The following C10orf143 variants were observed in gnomAD, a reference collection of about 807,000 sequenced individuals.
The protein encoded by C10orf143 is chromosome 10 open reading frame 143, also known as uncharacterized protein C10orf143.
At chr10:130,104,012 C>G (rs930921723) in intron 1 of C10orf143, 1 of 152,098 alleles carries the variant, frequency 6.6e-6, no homozygotes, top group Non-Finnish European at 1.5e-5. Flanking sequence ...AATCTTTAGG[C>G]GTTCTAGGCA....
intron 1 of C10orf143, chr10:130,108,117 C>G (rs774914731): frequency 6.4e-7 from 1 of 1,550,426 alleles, no homozygotes; most frequent in East Asian, 2.3e-5. Context: ...CGCTTTGTTC[C>G]TCCACCTCTT....
At chr10:130,049,644 T>G (rs1057098660) in intron 3 of C10orf143, among the ~76,000 whole-genome samples, 10 of 152,140 alleles carry the variant, frequency 6.6e-5, no homozygotes, top group African/African-American at 2.2e-4. Flanking sequence ...GGGTTTTGGG[T>G]TCACGCTGTG....
At chr10:130,110,622 C>T (rs766344554) in intron 1 of C10orf143, 82 bp downstream of exon 1, 3 of 398,366 alleles carry the variant, frequency 7.5e-6, no homozygotes, top group Non-Finnish European at 1.3e-5. Context: ...CAGGGCCGCG[C>T]CGGCAAAAAC....
chr10:130,094,635 G>T (rs984685579), intron 1 of C10orf143, among the ~76,000 whole-genome samples: 1 of 152,166 alleles, frequency 6.6e-6, no homozygotes, highest in Non-Finnish European at 1.5e-5. Context: ...CCACATGATT[G>T]TCTCAATAGA....
downstream of C10orf143, among the ~76,000 whole-genome samples, chr10:130,061,851 T>A (rs948122927): frequency 7.9e-5 from 12 of 152,130 alleles, no homozygotes; most frequent in Non-Finnish European, 1.2e-4. Context: ...CGGGGTGAGC[T>A]CCTCCAGGTA....
At chr10:130,084,651 T>TACACAC (rs56725445) in intron 1 of C10orf143, among the ~76,000 whole-genome samples, 2 of 150,380 alleles carry the variant, frequency 1.3e-5, no homozygotes, top group African/African-American at 4.9e-5. Context: ...GTGCAGGTGA[T>TACACAC]ACACACACAC....
chr10:130,058,690 C>T lies in C10orf143; in HGVS notation c.297+20876G>A, dbSNP rs149760862. Among the ~76,000 whole-genome samples the T allele has an allele frequency of 1.7e-3, 253 of 150,482 alleles. 4 individuals are homozygous for T. The highest frequency in any genetic ancestry group is 5.8e-3 in the African/African-American group (237 of 40,842). On this transcript the variant is annotated intron_variant and NMD_transcript_variant, in intron 3 of 5. Coordinates refer to the C10orf143 transcript ENST00000643056. Reference sequence around the variant, plus strand: ...AAAGTGCAGGACCTATCTATACTAACGAAACAGGAAAGTGTTTATCAGAGC... The same window carrying T: ...AAAGTGCAGGACCTATCTATACTAATGAAACAGGAAAGTGTTTATCAGAGC...
intron 1 of C10orf143, among the ~76,000 whole-genome samples, chr10:130,093,993 G>C (rs1408877449): frequency 6.9e-6 from 1 of 145,520 alleles, no homozygotes; most frequent in African/African-American, 2.6e-5. Context: ...CTGGGCAACA[G>C]AGCGAGACTC....
chr10:130,089,792 A>C (rs890983058), intron 1 of C10orf143, among the ~76,000 whole-genome samples: 3 of 152,178 alleles, frequency 2.0e-5, no homozygotes, highest in African/African-American at 7.2e-5. Flanking sequence ...TGCCAAGAAA[A>C]TTCAATGGAG....
At chr10:130,094,763 C>T (rs2134795045) in intron 1 of C10orf143, among the ~76,000 whole-genome samples, 1 of 152,292 alleles carries the variant, frequency 6.6e-6, no homozygotes, top group South Asian at 2.1e-4. Flanking sequence ...AACCCACAGC[C>T]AATGTCATAC....
At chr10:130,089,682 T>C (rs1861349740) in intron 1 of C10orf143, among the ~76,000 whole-genome samples, 1 of 152,136 alleles carries the variant, frequency 6.6e-6, no homozygotes, top group Non-Finnish European at 1.5e-5. Context: ...CAGTAATCAA[T>C]ATGGTATTGG....
At chr10:130,100,926 T>C (rs1861538223) in intron 1 of C10orf143, among the ~76,000 whole-genome samples, 1 of 152,034 alleles carries the variant, frequency 6.6e-6, no homozygotes, top group Non-Finnish European at 1.5e-5. Context: ...TTGAAAGCTA[T>C]AATAGCTGAG....
intron 3 of C10orf143, among the ~76,000 whole-genome samples, chr10:130,076,975 C>G (rs1224754451): frequency 6.6e-6 from 1 of 152,132 alleles, no homozygotes; most frequent in Non-Finnish European, 1.5e-5. Flanking sequence ...TGCTGCAAGA[C>G]TGGGTCCCAC....
downstream of C10orf143, among the ~76,000 whole-genome samples, chr10:130,063,634 TCAGTGC>T (rs1248081035): frequency 7.2e-5 from 11 of 152,296 alleles, no homozygotes; most frequent in South Asian, 4.1e-4. Flanking sequence ...TCTTCCCACA[TCAGTGC>T]CGAGGACACT....
At chr10:130,085,928 C>T (rs1861284690) in intron 1 of C10orf143, among the ~76,000 whole-genome samples, 1 of 152,126 alleles carries the variant, frequency 6.6e-6, no homozygotes. Context: ...ATGAGATAAA[C>T]ATTCAGATAT....
chr10:130,045,220 C>A (rs1362941875), intron 3 of C10orf143, among the ~76,000 whole-genome samples: 2 of 152,246 alleles, frequency 1.3e-5, no homozygotes, highest in African/African-American at 4.8e-5. Context: ...ATGGCTTTTT[C>A]TTGCAGGGCA....
intron 3 of C10orf143, among the ~76,000 whole-genome samples, chr10:130,048,481 T>C (rs1354181742): frequency 6.6e-6 from 1 of 152,126 alleles, no homozygotes; most frequent in African/African-American, 2.4e-5. Context: ...TACCCTCTGC[T>C]GGGACACCAG....
chr10:130,060,510 G>A (rs1283829921), downstream of C10orf143, among the ~76,000 whole-genome samples: 1 of 152,166 alleles, frequency 6.6e-6, no homozygotes, highest in Non-Finnish European at 1.5e-5. Flanking sequence ...CATGAAAAGA[G>A]TTACATGATG....
At chr10:130,102,512 G>C (rs191529909) in intron 1 of C10orf143, among the ~76,000 whole-genome samples, 1 of 152,080 alleles carries the variant, frequency 6.6e-6, no homozygotes. Flanking sequence ...GACCTCAAGC[G>C]ATCCGCCCAC....
Sources: gnomAD v4.1 joint callset for allele counts (sites outside exome capture counted in the v4.1 genomes callset) on GRCh38, gnomAD v4.1.1 for gene constraint, MANE v1.5 for transcripts, NCBI Gene and HGNC (gene_info 2026-07-23, HGNC 2026-07-21) for gene names.